The following DST variants were observed in gnomAD, a reference collection of about 807,000 sequenced individuals.
DST encodes dystonin, also known as bullous pemphigoid antigen.
Under a neutral mutation model 875.2 loss-of-function variants are expected in DST, and 253 were observed. The observed-to-expected ratio is 0.29, with a 90% CI of 0.26 to 0.32. DST has a LOEUF of 0.32. Ranked by LOEUF, DST falls within the 10% of genes least tolerant of loss-of-function variation. The pLI, the probability that DST is intolerant of heterozygous loss-of-function variation, is 1.00. For synonymous variants in DST, 3,124 were observed against 3,197.1 expected (o/e 0.98, Z 0.77); for missense variants, 8,287 against 9,111.6 (o/e 0.91, Z 3.68).
At chr6:56,542,428 TAA>T (rs60688419) in intron 61 of DST, 20,361 of 67,266 alleles carry the variant, frequency 0.3, 2,822 homozygotes, top group East Asian at 0.38. Context: ...TAAGCTTCTT[TAA>T]AAAAAAAAAA....
chr6:56,760,770 C>T (rs193186345), intron 4 of DST, among the ~76,000 whole-genome samples: 2 of 152,128 alleles, frequency 1.3e-5, no homozygotes, highest in Non-Finnish European at 2.9e-5. Flanking sequence ...GTTTTGAGTA[C>T]TTTTCATGTA....
In DST at chr6:56,552,561, C is replaced by T. The variant is rs1213795706; in HGVS notation, c.16231G>A (p.Val5411Met). The change falls in exon 61 of 104, where the codon GTG becomes ATG. Residue 5411 changes from valine (V) to methionine (M), a missense_variant. By Grantham distance (21) the Val-to-Met change is conservative. This residue lies in a region of DST where 9 missense variants were observed against 25.2 expected (regional missense o/e 0.36). Transcript: ENST00000680361. The stretch of plus-strand genomic sequence containing the variant: ...TGCAATGTTTCTGCATCTCTCCCCA[C>T]TGGAGCCATGCTATCCAGTTCATCA... ...FDDELDSMAP[V>M]GRDAETLQKQ... 1 of 1,613,908 alleles carries T rather than the reference C, an allele frequency of 6.2e-7. No homozygotes were observed. The highest frequency in any genetic ancestry group is 8.5e-7 in the Non-Finnish European group (1 of 1,179,896).
rs777347824 is a variant in DST, at chr6:56,526,429, G to T, written c.18061C>A (p.Arg6021=). The change falls in exon 69 of 104, where the codon CGA becomes AGA. Residue 6021 remains arginine, a synonymous_variant. Transcript: ENST00000680361. ...KMVAEDNERY[R]LVSDTITQKV... is the part of the protein sequence containing the mutation. ...TGAGTGATGGTGTCGCTCACTAATC[G>T]GTAGCGCTCATTGTCCTCAGCTACC... 1.4e-5 allele frequency: 22 copies of T among 1,613,660 alleles called. No individual in the cohort carries two copies. Among genetic ancestry groups the T allele is most frequent in the Admixed American group, 1.0e-4 (6 of 59,932 alleles).
intron 4 of DST, among the ~76,000 whole-genome samples, chr6:56,828,659 T>C (rs2099783614): frequency 6.6e-6 from 1 of 152,186 alleles, no homozygotes; most frequent in Non-Finnish European, 1.5e-5. Flanking sequence ...AGAGCTTGCT[T>C]TTTCCTTTAC....
intron 4 of DST, among the ~76,000 whole-genome samples, chr6:56,759,607 T>A (rs898764751): frequency 1.3e-5 from 2 of 152,214 alleles, no homozygotes; most frequent in Admixed American, 6.5e-5. Context: ...TTAATGACTA[T>A]CAGAGACCTC....
chr6:56,665,267 C>A (rs921798699), intron 10 of DST, among the ~76,000 whole-genome samples: 2 of 152,008 alleles, frequency 1.3e-5, no homozygotes, highest in Non-Finnish European at 2.9e-5. Flanking sequence ...TTCATTAAAC[C>A]CTCATTAATT....
chr6:56,497,519 G>A lies in DST; in HGVS notation c.20095-12C>T, dbSNP rs776779270. 4.3e-5 allele frequency: 69 copies of A among 1,611,384 alleles called. No homozygotes were observed. The East Asian group carries it at 1.4e-3, about 32-fold the overall frequency. On this transcript the variant is annotated splice_polypyrimidine_tract_variant and intron_variant, in intron 81 of 103. Coordinates refer to ENST00000680361, the MANE Select transcript of DST (RefSeq NM_001374736.1). ...TGGAACCCTTTGGCCTGAAGTAATA[G>A]GCAGTTTTAAGTTGGGGCCATAAAC... is the stretch of plus-strand genomic sequence containing the variant.
chr6:56,696,862 T>C (rs887722405), intron 9 of DST, among the ~76,000 whole-genome samples: 4 of 152,196 alleles, frequency 2.6e-5, no homozygotes, highest in Non-Finnish European at 5.9e-5. Context: ...AGCAGAATCT[T>C]TTCCCGCAGG....
intron 2 of DST, among the ~76,000 whole-genome samples, chr6:56,901,433 T>C (rs1794017979): frequency 6.6e-6 from 1 of 152,084 alleles, no homozygotes. Flanking sequence ...CTGTCTCTAC[T>C]AAAAATCAAA....
intron 2 of DST, among the ~76,000 whole-genome samples, chr6:56,916,774 T>TCACACA (rs1275596111): frequency 9.2e-4 from 81 of 88,462 alleles, no homozygotes; most frequent in African/African-American, 3.4e-3. Context: ...TCTCTCTCTC[T>TCACACA]CTCTCACACA....
chr6:56,776,417 A>G (rs145828826), intron 4 of DST, among the ~76,000 whole-genome samples: 1 of 152,184 alleles, frequency 6.6e-6, no homozygotes, highest in Non-Finnish European at 1.5e-5. Flanking sequence ...CAAGTATGGA[A>G]TTTAATTAAA....
intron 3 of DST, among the ~76,000 whole-genome samples, chr6:56,865,209 T>C (rs1326138663): frequency 1.3e-5 from 2 of 152,058 alleles, no homozygotes; most frequent in Admixed American, 1.3e-4. Flanking sequence ...AAAAGAAATA[T>C]GGCCTGGAAC....
intron 27 of DST, among the ~76,000 whole-genome samples, chr6:56,633,442 G>A (rs2098799766): frequency 6.6e-6 from 1 of 151,558 alleles, no homozygotes; most frequent in Non-Finnish European, 1.5e-5. Context: ...TAGCCGGGAT[G>A]GTCTCGATCT....
chr6:56,787,753 ACTT>A (rs2099707999), intron 4 of DST, among the ~76,000 whole-genome samples: 1 of 152,204 alleles, frequency 6.6e-6, no homozygotes, highest in Non-Finnish European at 1.5e-5. Context: ...GTGTTTAATA[ACTT>A]CTTCTATGAA....
intron 36 of DST, chr6:56,620,249 C>G: frequency 6.2e-7 from 1 of 1,614,000 alleles, no homozygotes; most frequent in Non-Finnish European, 8.5e-7. Flanking sequence ...ATCATTGAGA[C>G]TTAAATCTTT....
At chr6:56,943,535 T>C (rs554886835) in intron 2 of DST, among the ~76,000 whole-genome samples, 102 of 151,592 alleles carry the variant, frequency 6.7e-4, no homozygotes, top group African/African-American at 2.2e-3. Flanking sequence ...CAGGCTCAAG[T>C]GACTCTCCCA....
At chr6:56,493,400 T>G (rs78145374) in intron 83 of DST, among the ~76,000 whole-genome samples, 2 of 152,226 alleles carry the variant, frequency 1.3e-5, no homozygotes, top group Non-Finnish European at 2.9e-5. Context: ...AAAGTTGACA[T>G]TCATACAATT....
chr6:56,681,405 T>C (rs1279402761), intron 9 of DST, among the ~76,000 whole-genome samples: 1 of 152,154 alleles, frequency 6.6e-6, no homozygotes, highest in Non-Finnish European at 1.5e-5. Flanking sequence ...TTCCACAAGA[T>C]ACTATGCATT....
At chr6:56,564,037 T>C (rs2097596798) in intron 55 of DST, among the ~76,000 whole-genome samples, 1 of 152,164 alleles carries the variant, frequency 6.6e-6, no homozygotes, top group Non-Finnish European at 1.5e-5. Context: ...TCTTTTTGCT[T>C]AGGATTGTCT....
Sources: allele counts gnomAD v4.1 joint callset (sites outside exome capture counted in the v4.1 genomes callset), GRCh38; gene constraint gnomAD v4.1.1; regional missense constraint gnomAD v4.1.1; transcripts MANE v1.5; gene names NCBI Gene and HGNC (gene_info 2026-07-23, HGNC 2026-07-21).